The following CRYBG3 variants were observed in gnomAD, a reference collection of about 807,000 sequenced individuals.
The protein encoded by CRYBG3 is crystallin beta-gamma domain containing 3, also known as very large A-kinase anchor protein.
In CRYBG3, 127 loss-of-function variants were observed where a neutral mutation model predicts 244.2. The ratio of observed to expected loss-of-function variants is 0.52; its 90% CI spans 0.45 to 0.60. The LOEUF is 0.60. Ranked by LOEUF, CRYBG3 falls within the 20% of genes least tolerant of loss-of-function variation. The pLI is 0.00. For missense variants in CRYBG3, 3,325 were observed against 3,442.5 expected, an observed-to-expected ratio of 0.97 and a Z score of 0.85; for synonymous variants, 1,132 against 1,195.8, an observed-to-expected ratio of 0.95 and a Z score of 1.10.
chr3:97,828,616 C>T (rs1011466230), intron 1 of CRYBG3, among the ~76,000 whole-genome samples: 1 of 150,668 alleles, frequency 6.6e-6, no homozygotes, highest in African/African-American at 2.4e-5. Flanking sequence ...CACCTGATGT[C>T]AGGCATTTGA....
At chr3:97,888,608 C>T (rs2039536766) in intron 9 of CRYBG3, among the ~76,000 whole-genome samples, 153 bp downstream of exon 9, 1 of 152,202 alleles carries the variant, frequency 6.6e-6, no homozygotes, top group Middle Eastern at 3.2e-3. Flanking sequence ...TCAGTATTTA[C>T]AGTATTTCTT....
intron 1 of CRYBG3, among the ~76,000 whole-genome samples, chr3:97,828,546 G>T (rs953919194): frequency 1.5e-5 from 2 of 137,078 alleles, no homozygotes; most frequent in African/African-American, 5.6e-5. Flanking sequence ...AAAAAAAAAA[G>T]CCGGGCGTGG....
intron 1 of CRYBG3, among the ~76,000 whole-genome samples, chr3:97,840,165 T>G (rs1217693357): frequency 2.6e-5 from 4 of 151,858 alleles, no homozygotes; most frequent in African/African-American, 9.7e-5. Flanking sequence ...AATAAAGTGA[T>G]TTGTAGGAGT....
intron 1 of CRYBG3, among the ~76,000 whole-genome samples, chr3:97,827,765 A>C (rs184735971): frequency 6.4e-4 from 90 of 140,146 alleles, no homozygotes; most frequent in Middle Eastern, 7.1e-3. Flanking sequence ...TAAGGCTTCA[A>C]GAGGTTCAGT....
At position 97,877,580 on chromosome 3, in the gene CRYBG3, C is replaced by T; in HGVS notation, c.6386C>T (p.Ser2129Leu). The change falls in exon 4 of 22, where the codon TCA becomes TTA. Residue 2129 changes from serine to leucine, a missense_variant. By Grantham distance (145) the Ser-to-Leu change is moderately radical (BLOSUM62 -2). Coordinates refer to ENST00000389622, the MANE Select transcript of CRYBG3 (RefSeq NM_153605.4). ...TCTTCTGTTTTATCCCTTCTCCAGT[C>T]AGTGTCAGAACGTTTAAAGATGAAT... is the stretch of plus-strand genomic sequence containing the variant. ...QSSSVLSLLQSVSERLKMNFD... is the reference protein window; with the variant it reads ...QSSSVLSLLQLVSERLKMNFD... The T allele has an allele frequency of 6.2e-7, 1 of 1,614,028 alleles. No homozygotes were observed. The highest frequency in any genetic ancestry group is 1.3e-5 in the African/African-American group (1 of 74,984).
chr3:97,831,927 A>G (rs937976341), intron 1 of CRYBG3, among the ~76,000 whole-genome samples: 38 of 151,546 alleles, frequency 2.5e-4, no homozygotes, highest in Non-Finnish European at 2.9e-5. Flanking sequence ...CATCGTTTCC[A>G]TGGGACAGAG....
intron 14 of CRYBG3, among the ~76,000 whole-genome samples, chr3:97,900,085 AG>A (rs2039688975): frequency 6.6e-6 from 1 of 152,254 alleles, no homozygotes; most frequent in Non-Finnish European, 1.5e-5. Context: ...GCAGTGGCAC[AG>A]GGGTGCAATC....
Position 97,871,115 on chromosome 3 carries a change from C to A in CRYBG3, c.648-727C>A, listed in dbSNP as rs200453162. Among the ~76,000 whole-genome samples, 24 of 152,202 alleles carry A rather than the reference C, an allele frequency of 1.6e-4. No homozygotes were observed. The East Asian group carries it at 3.9e-3, about 25-fold the overall frequency. On this transcript the variant is annotated intron_variant, in intron 3 of 21. Transcript: ENST00000389622. ...TGAGAACTCGTAGTGGTAGATTCTCCAAAGGAAATTGGGTGCTGAGAGCAT... is the reference window on the plus strand; with the variant it reads ...TGAGAACTCGTAGTGGTAGATTCTCAAAAGGAAATTGGGTGCTGAGAGCAT...
chr3:97,848,313 T>TAA (rs2038932075), intron 2 of CRYBG3, among the ~76,000 whole-genome samples: 2 of 152,274 alleles, frequency 1.3e-5, no homozygotes, highest in South Asian at 4.2e-4. Context: ...TTGTTGTTTT[T>TAA]TTGAGATGGA....
chr3:97,900,411 T>G (rs763168587), intron 14 of CRYBG3, 42 bp from the exon 15 acceptor site: 2 of 1,143,914 alleles, frequency 1.7e-6, no homozygotes, highest in Non-Finnish European at 2.5e-6. Context: ...AAAGACAGAT[T>G]ATGTGATTAC....
In CRYBG3 at chr3:97,877,139, A is replaced by C; in HGVS notation, c.5945A>C (p.Lys1982Thr). 1.2e-6 allele frequency: 2 copies of C among 1,613,956 alleles called. No homozygotes were observed. The highest frequency in any genetic ancestry group is 1.7e-6 in the Non-Finnish European group (2 of 1,179,868). The stretch of plus-strand genomic sequence containing the variant: ...AGGAGAGAGACAGATTATAGTGACA[A>C]AGGATATAATTTAGCTTTTGTTTCT... ...DKRRETDYSD[K>T]GYNLAFVSQD... The change falls in exon 4 of 22, where the codon AAA becomes ACA. Residue 1982 changes from lysine (K) to threonine (T), a missense_variant. Lys to Thr is a moderately conservative substitution (Grantham distance 78). Transcript: ENST00000389622.
intron 3 of CRYBG3, among the ~76,000 whole-genome samples, chr3:97,865,684 T>C (rs1447335112): frequency 6.6e-6 from 1 of 152,220 alleles, no homozygotes; most frequent in East Asian, 1.9e-4. Flanking sequence ...CCTAGAAATA[T>C]ACTCTCTTAT....
chr3:97,863,777 C>T (rs1162272581), intron 2 of CRYBG3, among the ~76,000 whole-genome samples: 1 of 152,126 alleles, frequency 6.6e-6, no homozygotes, highest in Non-Finnish European at 1.5e-5. Flanking sequence ...ATTTACCTCT[C>T]ACTCTTGTCA....
In CRYBG3 at chr3:97,876,322, G is replaced by A. The variant is rs373493174; in HGVS notation, c.5128G>A (p.Val1710Ile). 50 of 1,231,620 alleles carry A rather than the reference G, an allele frequency of 4.1e-5. No individual in the cohort carries two copies. Among genetic ancestry groups the A allele is most frequent in the Middle Eastern group, 6.2e-4 (2 of 3,206 alleles). 76.3% of individuals were successfully genotyped at this position (1,231,620 alleles called of 1,614,324 possible). A position where few individuals can be genotyped will look rare whatever the true frequency, so the allele number is the denominator to read the frequency against. Residue 1710 changes from valine (V) to isoleucine (I), a missense_variant, in exon 4 of 22, where the codon GTT (valine) becomes ATT (isoleucine). This residue lies in a region of CRYBG3 where 635 missense variants were observed against 771.7 expected (regional missense o/e 0.82). Coordinates refer to ENST00000389622, the MANE Select transcript of CRYBG3 (RefSeq NM_153605.4). ...GISEKAEVIP[V>I]TLAMENTYQK... ...TAGTGAAAAGGCTGAAGTGATACCC[G>A]TTACATTAGCAATGGAAAATACTTA...
In CRYBG3 at chr3:97,899,244, C is replaced by T. The variant is rs759694546; in HGVS notation, c.7952C>T (p.Ser2651Leu). Residue 2651 changes from serine (S) to leucine (L), a missense_variant, in exon 14 of 22, where the codon TCG becomes TTG. By Grantham distance (145) the Ser-to-Leu change is moderately radical (BLOSUM62 -2). Coordinates refer to ENST00000389622, the MANE Select transcript of CRYBG3 (RefSeq NM_153605.4). ...GGAGGATCAAATAATATAATCATGT[C>T]GATACGGCCAATCCAACTGGTGAGT... Reference protein sequence around the residue: ...DWGGSNNIIMSIRPIQLEPLG... With the variant: ...DWGGSNNIIMLIRPIQLEPLG... 2 of 1,612,638 alleles carry T rather than the reference C, an allele frequency of 1.2e-6. No individual in the cohort carries two copies. Among genetic ancestry groups the T allele is most frequent in the South Asian group, 1.1e-5 (1 of 90,636 alleles).
chr3:97,822,361 A>T lies in CRYBG3; in HGVS notation c.149+6A>T. The T allele has an allele frequency of 6.7e-7, 1 of 1,495,128 alleles. No individual in the cohort carries two copies. The highest frequency in any genetic ancestry group is 8.9e-7 in the Non-Finnish European group (1 of 1,125,338). The allele number at this position is 1,495,128 out of a possible 1,614,324, so 92.6% of individuals were successfully genotyped here. A position where few individuals can be genotyped will look rare whatever the true frequency, so the allele number is the denominator to read the frequency against. ...CCAGGCCGGTCCGCTGCCAGGTGGG[A>T]GTCGAGGAGGGGGTCGCGGGGGGGC... On this transcript the variant is annotated splice_donor_region_variant and intron_variant, in intron 1 of 21. Coordinates refer to ENST00000389622, the MANE Select transcript of CRYBG3 (RefSeq NM_153605.4).
intron 17 of CRYBG3, among the ~76,000 whole-genome samples, chr3:97,928,431 G>A (rs373702593): frequency 6.6e-6 from 1 of 151,870 alleles, no homozygotes; most frequent in African/African-American, 2.4e-5. Flanking sequence ...GGAGAGTGAG[G>A]ATTGAAATAC....
chr3:97,865,092 C>T (rs983825090), intron 3 of CRYBG3, among the ~76,000 whole-genome samples: 2 of 152,144 alleles, frequency 1.3e-5, no homozygotes, highest in Admixed American at 6.6e-5. Flanking sequence ...CTTTACACAG[C>T]TCCAAGAAAC....
rs770885450 is a variant in CRYBG3, at chr3:97,944,217, C to G, written c.*903C>G. 1.2e-4 allele frequency: 18 copies of G among 151,164 alleles called. No homozygotes were observed. Among genetic ancestry groups the G allele is most frequent in the Non-Finnish European group, 8.8e-5 (6 of 67,798 alleles). The allele number at this position is 151,164 out of a possible 1,614,324, so 9.4% of individuals were successfully genotyped here. Reference sequence around the variant, plus strand: ...CTTTAAGTAAACGTGGAGTTGATTTCTCTACTAAATAACAGAAACCTCAGT... The same window carrying G: ...CTTTAAGTAAACGTGGAGTTGATTTGTCTACTAAATAACAGAAACCTCAGT... On this transcript the variant is annotated 3_prime_UTR_variant, in exon 22 of 22. Transcript: ENST00000389622.
Sources: gnomAD v4.1 joint callset for allele counts (sites outside exome capture counted in the v4.1 genomes callset) on GRCh38, gnomAD v4.1.1 for gene constraint, gnomAD v4.1.1 regional missense constraint, MANE v1.5 for transcripts, NCBI Gene and HGNC (gene_info 2026-07-23, HGNC 2026-07-21) for gene names.